Variants in MYO9B observed in about 807,000 individuals in gnomAD.
MYO9B encodes myosin IXB.
In MYO9B, 71 loss-of-function variants were observed where a neutral mutation model predicts 229.5. That is an observed-to-expected ratio of 0.31 (90% confidence interval 0.26 to 0.38). The LOEUF is 0.38. MYO9B is among the 10% of genes least tolerant of loss of function. The probability of loss-of-function intolerance (pLI) is 1.00; values close to 1 mark genes in which losing one functional copy is unlikely to be tolerated. For missense variants in MYO9B, 2,255 were observed against 2,920.5 expected, an observed-to-expected ratio of 0.77 and a Z score of 5.25; for synonymous variants, 1,185 against 1,235.8, an observed-to-expected ratio of 0.96 and a Z score of 0.86.
intron 16 of MYO9B, 129 bp from the exon 17 acceptor site, chr19:17,184,736 C>G: frequency 7.9e-7 from 1 of 1,270,758 alleles, no homozygotes; most frequent in Non-Finnish European, 1.1e-6. Context: ...GAGACCAAAC[C>G]TAAGAGCTGC....
intron 2 of MYO9B, among the ~76,000 whole-genome samples, chr19:17,129,398 TCAA>T (rs145485118): frequency 0.033 from 5,004 of 151,798 alleles, 270 homozygotes; most frequent in African/African-American, 0.11. Context: ...CGAGACAGTT[TCAA>T]CAACAACAAC....
chr19:17,102,576 C>A lies in MYO9B; in HGVS notation c.840+19C>A. ...GCTGGAGGTGAGCGGGGAAGCTGGT[C>A]GGTCTGTGGGAGGGGGCATTTGTTT... On this transcript the variant is annotated intron_variant, in intron 2 of 39. Coordinates refer to ENST00000682292, the MANE Select transcript of MYO9B (RefSeq NM_004145.4). 1 of 1,549,874 alleles carries A rather than the reference C, an allele frequency of 6.5e-7. No individual in the cohort carries two copies. Among genetic ancestry groups the A allele is most frequent in the Non-Finnish European group, 8.7e-7 (1 of 1,146,556 alleles).
At chr19:17,179,217 A>G (rs1043183376) in intron 14 of MYO9B, among the ~76,000 whole-genome samples, 1 of 151,960 alleles carries the variant, frequency 6.6e-6, no homozygotes. Context: ...ACATTGGCAG[A>G]TGTCCCCTGA....
chr19:17,106,157 G>A (rs772284734), intron 2 of MYO9B, among the ~76,000 whole-genome samples: 1 of 152,044 alleles, frequency 6.6e-6, no homozygotes, highest in Admixed American at 6.6e-5. Flanking sequence ...CACCATGCCC[G>A]GCTAATTTTT....
chr19:17,094,829 C>G (rs1159578706), intron 1 of MYO9B, among the ~76,000 whole-genome samples: 4 of 152,082 alleles, frequency 2.6e-5, no homozygotes, highest in Non-Finnish European at 4.4e-5. Flanking sequence ...GTAGTCCCAG[C>G]TGCTCAGGAG....
chr19:17,077,283 TGTTTA>T (rs2123409050), intron 1 of MYO9B, among the ~76,000 whole-genome samples: 1 of 152,270 alleles, frequency 6.6e-6, no homozygotes, highest in East Asian at 1.9e-4. Flanking sequence ...CCCCAGCTTA[TGTTTA>T]GTTTATAGCT....
At chr19:17,096,630 TAAA>T (rs2057691154) in intron 1 of MYO9B, among the ~76,000 whole-genome samples, 1 of 146,582 alleles carries the variant, frequency 6.8e-6, no homozygotes, top group South Asian at 2.4e-4. Context: ...TCTCAAAAAA[TAAA>T]AAAGCAGATG....
intron 35 of MYO9B, among the ~76,000 whole-genome samples, chr19:17,208,915 C>T (rs2073193884): frequency 2.4e-5 from 1 of 41,514 alleles, no homozygotes; most frequent in Non-Finnish European, 4.1e-5. Flanking sequence ...TGGTACTGGC[C>T]ACTCCGGGCT....
At chr19:17,117,399 C>T (rs2057915384) in intron 2 of MYO9B, among the ~76,000 whole-genome samples, 1 of 152,200 alleles carries the variant, frequency 6.6e-6, no homozygotes, top group South Asian at 2.1e-4. Context: ...AAACCAGTCC[C>T]CTCGAGAACC....
intron 2 of MYO9B, among the ~76,000 whole-genome samples, chr19:17,129,487 C>T (rs2072167777): frequency 6.6e-6 from 1 of 152,188 alleles, no homozygotes; most frequent in African/African-American, 2.4e-5. Flanking sequence ...TCCAGGGAGG[C>T]TCCCAGAGGC....
At chr19:17,093,503 T>C (rs2057658256) in intron 1 of MYO9B, among the ~76,000 whole-genome samples, 1 of 152,142 alleles carries the variant, frequency 6.6e-6, no homozygotes, top group African/African-American at 2.4e-5. Context: ...AGCGATACCA[T>C]GTGGCACCTG....
chr19:17,148,541 C>T (rs1430253301), intron 3 of MYO9B, among the ~76,000 whole-genome samples: 2 of 152,156 alleles, frequency 1.3e-5, no homozygotes, highest in Non-Finnish European at 2.9e-5. Flanking sequence ...ACATTACTCC[C>T]ATCTCTGCCT....
chr19:17,092,668 T>A (rs1053053826), intron 1 of MYO9B, among the ~76,000 whole-genome samples: 9 of 141,414 alleles, frequency 6.4e-5, no homozygotes, highest in Non-Finnish European at 1.2e-4. Flanking sequence ...GAGGTTGCAG[T>A]GAGCTGAGAT....
rs762952341 is a variant in MYO9B, at chr19:17,211,691, C to T, written c.5975C>T (p.Ser1992Leu). ...YRLPELDPRG[S>L]DEENLDSETS... ...CTGCCGGAGCTGGACCCAAGGGGCT[C>T]GGACGAGGAGAACCTGGACTCGGAG... The change falls in exon 39 of 40, where the codon TCG becomes TTG. Residue 1992 changes from serine to leucine, a missense_variant. This residue lies in a region of MYO9B where 331 missense variants were observed against 332.5 expected (regional missense o/e 1.00). Transcript: ENST00000682292. The T allele has an allele frequency of 4.3e-6, 7 of 1,612,140 alleles. No homozygotes were observed. Among genetic ancestry groups the T allele is most frequent in the Non-Finnish European group, 5.9e-6 (7 of 1,179,468 alleles).
At chr19:17,109,989 G>A (rs562583152) in intron 2 of MYO9B, among the ~76,000 whole-genome samples, 12 of 152,230 alleles carry the variant, frequency 7.9e-5, no homozygotes, top group East Asian at 1.9e-4. Context: ...AGCCTAACCC[G>A]GGGTTTGAAC....
intron 2 of MYO9B, among the ~76,000 whole-genome samples, chr19:17,137,351 C>A (rs2072283674): frequency 6.6e-6 from 1 of 151,988 alleles, no homozygotes; most frequent in South Asian, 2.1e-4. Context: ...GCTATGGTCG[C>A]ACCACTTAAA....
chr19:17,111,868 GA>G (rs2057850997), intron 2 of MYO9B, among the ~76,000 whole-genome samples: 1 of 152,118 alleles, frequency 6.6e-6, no homozygotes, highest in South Asian at 2.1e-4. Flanking sequence ...CAGATCAATG[GA>G]ATCTCTCACA....
chr19:17,197,820 G>A lies in MYO9B; in HGVS notation c.4075G>A (p.Asp1359Asn), dbSNP rs2073062616. 3 of 1,613,738 alleles carry A rather than the reference G, an allele frequency of 1.9e-6. No individual in the cohort carries two copies. The highest frequency in any genetic ancestry group is 1.7e-5 in the Admixed American group (1 of 60,002). The stretch of plus-strand genomic sequence containing the variant: ...GAGGCGCACCTCCTTCTCCACGAGC[G>A]ACGTCTCCAAGCTCCTCCCGTCCCT... Reference protein sequence around the residue: ...EERRTSFSTSDVSKLLPSLAK... With the variant: ...EERRTSFSTSNVSKLLPSLAK... Residue 1359 changes from aspartate to asparagine, a missense_variant, in exon 23 of 40, where the codon GAC becomes AAC. Physicochemically the swap from Asp to Asn is conservative, Grantham distance 23 (BLOSUM62 1). Around this residue, in one of 7 missense-constraint regions of MYO9B, gnomAD observed 679 missense variants for 770.2 expected, o/e 0.88. Transcript: ENST00000682292.
chr19:17,123,629 C>T (rs2057986998), intron 2 of MYO9B, among the ~76,000 whole-genome samples: 1 of 151,948 alleles, frequency 6.6e-6, no homozygotes, highest in Non-Finnish European at 1.5e-5. Flanking sequence ...TTAGTAGAGA[C>T]GGGTCTTGAA....
Sources: allele counts gnomAD v4.1 joint callset (sites outside exome capture counted in the v4.1 genomes callset), GRCh38; gene constraint gnomAD v4.1.1; regional missense constraint gnomAD v4.1.1; transcripts MANE v1.5; gene names NCBI Gene and HGNC (gene_info 2026-07-23, HGNC 2026-07-21).